Variants in EYA3 observed in about 807,000 individuals in gnomAD.
EYA3 encodes the protein protein phosphatase EYA3.
Under a neutral mutation model 80.0 loss-of-function variants are expected in EYA3, and 39 were observed. The ratio of observed to expected loss-of-function variants is 0.49; its 90% CI spans 0.38 to 0.64. The LOEUF (loss-of-function observed/expected upper bound fraction) is 0.64. Ranked by LOEUF, EYA3 falls within the 30% of genes least tolerant of loss-of-function variation. The probability of loss-of-function intolerance (pLI) is 0.00; values close to 1 mark genes in which losing one functional copy is unlikely to be tolerated. For synonymous variants in EYA3, 206 were observed against 232.8 expected, an observed-to-expected ratio of 0.88 and a Z score of 1.05; for missense variants, 523 against 676.1, an observed-to-expected ratio of 0.77 and a Z score of 2.51.
intron 3 of EYA3, among the ~76,000 whole-genome samples, chr1:28,045,060 A>C (rs953436012): frequency 3.3e-5 from 5 of 152,172 alleles, no homozygotes; most frequent in African/African-American, 1.2e-4. Flanking sequence ...TGTGAGCCAC[A>C]GTGTCCAGCT....
Position 28,023,300 on chromosome 1 carries a change from C to T in EYA3, c.499+4489G>A, listed in dbSNP as rs191742465. On this transcript the variant is annotated intron_variant, in intron 7 of 17. Transcript: ENST00000373871. The stretch of plus-strand genomic sequence containing the variant: ...AGAGACAAATCTGGGCAGAAGAATT[C>T]CAAATACATTATGTAGATATTCTAC... Among the ~76,000 whole-genome samples the T allele has an allele frequency of 1.3e-3, 201 of 152,112 alleles. 1 individual carries two copies. The highest frequency in any genetic ancestry group is 4.7e-3 in the African/African-American group (193 of 41,496).
chr1:27,976,249 C>T (rs752734408), intron 17 of EYA3, among the ~76,000 whole-genome samples: 5 of 152,120 alleles, frequency 3.3e-5, no homozygotes, highest in Non-Finnish European at 5.9e-5. Context: ...CACCTGAAGT[C>T]AGGAGTTTGA....
intron 1 of EYA3, among the ~76,000 whole-genome samples, chr1:28,079,908 G>C (rs1270894897): frequency 6.6e-6 from 1 of 151,676 alleles, no homozygotes; most frequent in African/African-American, 2.4e-5. Context: ...GGGATTACAG[G>C]CATGAGCCAC....
At chr1:28,008,556 T>G (rs1204942305) in intron 10 of EYA3, among the ~76,000 whole-genome samples, 1 of 152,062 alleles carries the variant, frequency 6.6e-6, no homozygotes, top group African/African-American at 2.4e-5. Flanking sequence ...ATTATATATC[T>G]GATTAATATA....
At chr1:28,020,549 T>C (rs1164252176) in intron 7 of EYA3, among the ~76,000 whole-genome samples, 1 of 152,026 alleles carries the variant, frequency 6.6e-6, no homozygotes, top group African/African-American at 2.4e-5. Flanking sequence ...TTTAGGCTCT[T>C]ATAACCACCA....
intron 1 of EYA3, among the ~76,000 whole-genome samples, chr1:28,075,772 G>C (rs1381952466): frequency 1.3e-5 from 2 of 152,090 alleles, no homozygotes; most frequent in African/African-American, 4.8e-5. Flanking sequence ...CTACATTTCT[G>C]AAACTTCTAC....
At chr1:27,978,251 G>A in intron 17 of EYA3, 123 bp downstream of exon 17, 1 of 671,140 alleles carries the variant, frequency 1.5e-6, no homozygotes, top group Non-Finnish European at 2.4e-6. Context: ...AAAGAAAAAT[G>A]GGAGAGGAAG....
At chr1:27,975,656 T>C (rs1404102883) in intron 17 of EYA3, among the ~76,000 whole-genome samples, 4 of 151,700 alleles carry the variant, frequency 2.6e-5, no homozygotes, top group African/African-American at 9.7e-5. Flanking sequence ...CGGCTAATTT[T>C]TTACATTTTT....
intron 1 of EYA3, among the ~76,000 whole-genome samples, chr1:28,077,835 T>C (rs1645277823): frequency 6.6e-6 from 1 of 152,206 alleles, no homozygotes; most frequent in Admixed American, 6.5e-5. Context: ...TTGTACCCTA[T>C]GTCATCAATT....
At chr1:27,978,571 T>G in intron 16 of EYA3, 97 bp from the exon 17 acceptor site, 1 of 938,260 alleles carries the variant, frequency 1.1e-6, no homozygotes. Context: ...TGTGCTTAGG[T>G]GGACTAAGTG....
At chr1:28,025,770 A>AT (rs1006860940) in intron 7 of EYA3, among the ~76,000 whole-genome samples, 11 of 151,982 alleles carry the variant, frequency 7.2e-5, no homozygotes, top group African/African-American at 2.4e-4. Flanking sequence ...ATTTCTATTT[A>AT]TTTTTTTGAG....
intron 4 of EYA3, among the ~76,000 whole-genome samples, chr1:28,039,811 T>C (rs1432788944): frequency 2.0e-5 from 3 of 152,182 alleles, no homozygotes; most frequent in African/African-American, 7.2e-5. Context: ...GTTTGAGGTA[T>C]TTAAAAATAA....
At chr1:28,000,209 C>T (rs964137154) in intron 11 of EYA3, among the ~76,000 whole-genome samples, 160 bp from the exon 12 acceptor site, 3 of 152,074 alleles carry the variant, frequency 2.0e-5, no homozygotes, top group African/African-American at 7.2e-5. Context: ...TATGAGAATC[C>T]AGGATTGTAA....
intron 16 of EYA3, among the ~76,000 whole-genome samples, chr1:27,980,883 TA>T (rs1393390686): frequency 6.6e-6 from 1 of 152,042 alleles, no homozygotes; most frequent in Non-Finnish European, 1.5e-5. Flanking sequence ...TACAAAAAAT[TA>T]AAAAATTAGC....
chr1:28,044,921 G>A (rs746858399), intron 3 of EYA3, among the ~76,000 whole-genome samples: 8 of 152,038 alleles, frequency 5.3e-5, no homozygotes, highest in Non-Finnish European at 8.8e-5. Flanking sequence ...ACAGGCATGT[G>A]CCACAACACC....
chr1:28,084,574 TATATATATATATATATATA>T (rs1557659367), intron 1 of EYA3, among the ~76,000 whole-genome samples: 12 of 12,394 alleles, frequency 9.7e-4, no homozygotes, highest in Non-Finnish European at 5.6e-4. Context: ...TATATATATA[TATATATATATATATATATA>T]TATTTTTTTT....
chr1:28,061,880 T>C (rs1168060481), intron 1 of EYA3, among the ~76,000 whole-genome samples: 2 of 151,816 alleles, frequency 1.3e-5, no homozygotes, highest in Non-Finnish European at 2.9e-5. Context: ...ATTACAGGTG[T>C]GAGCCACCGC....
At chr1:28,074,685 C>CT (rs1482855127) in intron 1 of EYA3, among the ~76,000 whole-genome samples, 1 of 152,000 alleles carries the variant, frequency 6.6e-6, no homozygotes, top group East Asian at 1.9e-4. Context: ...TTTGGGCTTC[C>CT]TCAGGGAACA....
intron 1 of EYA3, among the ~76,000 whole-genome samples, chr1:28,083,692 C>T (rs962448660): frequency 1.3e-5 from 2 of 152,012 alleles, no homozygotes; most frequent in Non-Finnish European, 2.9e-5. Flanking sequence ...GAAAGTTTCC[C>T]AAGTGAAAAT....
Sources: gnomAD v4.1 joint callset for allele counts (sites outside exome capture counted in the v4.1 genomes callset) on GRCh38, gnomAD v4.1.1 for gene constraint, MANE v1.5 for transcripts, NCBI Gene and HGNC (gene_info 2026-07-23, HGNC 2026-07-21) for gene names.